Variants in TET3 observed in about 807,000 individuals in gnomAD.
TET3 encodes tet methylcytosine dioxygenase 3, also known as methylcytosine dioxygenase TET3.
TET3 carries 19 observed loss-of-function variants against 141.4 expected under a neutral mutation model. The observed-to-expected ratio is 0.13, with a 90% confidence interval of 0.09 to 0.20. The LOEUF (loss-of-function observed/expected upper bound fraction) is 0.20. Among genes scored for constraint, TET3 ranks in the 10% least tolerant of loss-of-function variants. The pLI, the probability that TET3 is intolerant of heterozygous loss-of-function variation, is 1.00. For missense variants in TET3, 1,874 were observed against 2,356.9 expected (o/e 0.80, Z 4.24); for synonymous variants, 1,043 against 980.9 (o/e 1.06, Z -1.18).
Position 74,022,597 on chromosome 2 carries a change from G to C in TET3, c.360+19431G>C, listed in dbSNP as rs13414762. Among the ~76,000 whole-genome samples the C allele has an allele frequency of 1.2e-4, 18 of 151,426 alleles. No homozygotes were observed. In the East Asian group the frequency reaches 3.5e-3, roughly 29 times the overall value. ...ATTTTTTTTTCTTTTGGTTGTGCCA[G>C]ACAGAACACAGAACAGGCACTGCTT... On this transcript the variant is annotated intron_variant, in intron 3 of 11. Coordinates refer to ENST00000409262, the MANE Select transcript of TET3 (RefSeq NM_001287491.2).
intron 3 of TET3, among the ~76,000 whole-genome samples, chr2:74,032,268 C>G (rs1157923693): frequency 6.6e-6 from 1 of 152,078 alleles, no homozygotes; most frequent in East Asian, 1.9e-4. Context: ...CTTTCTGTTT[C>G]TTTAGCCTAT....
At chr2:74,078,724 A>G (rs897321815) in intron 5 of TET3, among the ~76,000 whole-genome samples, 10 of 152,216 alleles carry the variant, frequency 6.6e-5, no homozygotes, top group African/African-American at 2.4e-4. Context: ...TGTAGAAGCT[A>G]TGATAACATT....
chr2:74,117,019 G>A, the TET3 span, among the ~76,000 whole-genome samples: 1 of 152,154 alleles, frequency 6.6e-6, no homozygotes, highest in Admixed American at 6.5e-5. Flanking sequence ...GGAGAGGGGA[G>A]CGGGGAGATG....
In TET3 at chr2:74,047,287, C is replaced by G; in HGVS notation, c.1370C>G (p.Pro457Arg). 2 of 1,614,036 alleles carry G rather than the reference C, an allele frequency of 1.2e-6. No individual in the cohort carries two copies. The change falls in exon 4 of 12, where the codon CCC (proline) becomes CGC (arginine). Residue 457 changes from proline (P) to arginine (R), a missense_variant. Transcript: ENST00000409262. ...TCCTGGCCCATGCCTCGCCCAAGCC[C>G]CGATCCCATGGCTGAACTGGAGCAG... ...RSSWPMPRPS[P>R]DPMAELEQLL...
At chr2:74,003,033 T>TG in intron 2 of TET3, 77 bp from the exon 3 acceptor site, 1 of 1,500,594 alleles carries the variant, frequency 6.7e-7, no homozygotes, top group Non-Finnish European at 9.1e-7. Context: ...CCGGCCGGGC[T>TG]GGGGGCTGTA....
At chr2:74,125,966 G>A in the TET3 span, among the ~76,000 whole-genome samples, 1 of 152,296 alleles carries the variant, frequency 6.6e-6, no homozygotes, top group Admixed American at 6.5e-5. Flanking sequence ...TTGCTATATT[G>A]TCCAGGCTGG....
intron 3 of TET3, among the ~76,000 whole-genome samples, chr2:74,015,495 A>C (rs1327143235): frequency 1.3e-5 from 2 of 152,192 alleles, no homozygotes; most frequent in Non-Finnish European, 2.9e-5. Flanking sequence ...TTTGTACCCT[A>C]CTTATTTTTG....
intron 3 of TET3, among the ~76,000 whole-genome samples, chr2:74,030,408 C>G (rs1461182234): frequency 6.6e-6 from 1 of 152,076 alleles, no homozygotes; most frequent in African/African-American, 2.4e-5. Flanking sequence ...GTATAATACT[C>G]TGTTGAATTG....
At chr2:74,069,283 T>C (rs1689074434) in intron 4 of TET3, among the ~76,000 whole-genome samples, 1 of 151,146 alleles carries the variant, frequency 6.6e-6, no homozygotes, top group Non-Finnish European at 1.5e-5. Context: ...TGATAGGAAA[T>C]GCCATTAGGT....
At chr2:74,111,685 T>C (rs1691709970), downstream of TET3, among the ~76,000 whole-genome samples, 1 of 152,240 alleles carries the variant, frequency 6.6e-6, no homozygotes, top group Admixed American at 6.5e-5. Context: ...AGGCCTCTCA[T>C]ATCTTGGTCT....
chr2:73,990,251 T>C (rs1231211192), intron 2 of TET3, among the ~76,000 whole-genome samples: 1 of 149,666 alleles, frequency 6.7e-6, no homozygotes, highest in Non-Finnish European at 1.5e-5. Flanking sequence ...TGGTGGCATG[T>C]GCCTGTAGTC....
intron 7 of TET3, 122 bp from the exon 8 acceptor site, chr2:74,089,775 T>G: frequency 7.6e-7 from 1 of 1,317,650 alleles, no homozygotes; most frequent in Non-Finnish European, 1.1e-6. Flanking sequence ...GAAGGATGAG[T>G]CTCAGTCACT....
chr2:74,024,725 A>G (rs1686238907), intron 3 of TET3, among the ~76,000 whole-genome samples: 1 of 152,104 alleles, frequency 6.6e-6, no homozygotes, highest in Non-Finnish European at 1.5e-5. Flanking sequence ...TTTTCACAGA[A>G]ACTAGAAAAG....
At chr2:74,003,028 C>T in intron 2 of TET3, 82 bp from the exon 3 acceptor site, 9 of 1,481,272 alleles carry the variant, frequency 6.1e-6, no homozygotes, top group Non-Finnish European at 8.3e-6. Context: ...CCCCTCCGGC[C>T]GGGCTGGGGG....
chr2:74,052,744 C>T (rs1332293229), intron 4 of TET3, among the ~76,000 whole-genome samples: 1 of 151,944 alleles, frequency 6.6e-6, no homozygotes, highest in Non-Finnish European at 1.5e-5. Flanking sequence ...GTGGCGGGTG[C>T]CTGTAATTCC....
At chr2:74,009,922 G>A (rs1179899477) in intron 3 of TET3, among the ~76,000 whole-genome samples, 1 of 152,216 alleles carries the variant, frequency 6.6e-6, no homozygotes, top group Non-Finnish European at 1.5e-5. Context: ...ATGAGGGCTG[G>A]AAGCTCTGGG....
chr2:74,090,957 C>G (rs1690459269), intron 8 of TET3, among the ~76,000 whole-genome samples: 3 of 152,166 alleles, frequency 2.0e-5, no homozygotes, highest in Admixed American at 2.0e-4. Context: ...TCTCCAAGCT[C>G]CTAGTACCAG....
intron 3 of TET3, among the ~76,000 whole-genome samples, chr2:74,009,101 C>A (rs1319962085): frequency 6.6e-6 from 1 of 152,212 alleles, no homozygotes; most frequent in Non-Finnish European, 1.5e-5. Flanking sequence ...AAATCCTTGT[C>A]CCCAGGAGTC....
chr2:74,084,984 G>A (rs1189224826), intron 6 of TET3, among the ~76,000 whole-genome samples: 1 of 152,062 alleles, frequency 6.6e-6, no homozygotes, highest in Non-Finnish European at 1.5e-5. Flanking sequence ...TTTCAGGAGG[G>A]GAGAATGGAG....
Sources: gnomAD v4.1 joint callset for allele counts (sites outside exome capture counted in the v4.1 genomes callset) on GRCh38, gnomAD v4.1.1 for gene constraint, MANE v1.5 for transcripts, NCBI Gene and HGNC (gene_info 2026-07-23, HGNC 2026-07-21) for gene names.